Variants in NEBL observed in about 807,000 individuals in gnomAD.
NEBL encodes LIM and SH3 protein 2.
NEBL carries 122 observed loss-of-function variants against 140.2 expected under a neutral mutation model. The observed-to-expected ratio is 0.87, with a 90% CI of 0.75 to 1.01. The LOEUF (loss-of-function observed/expected upper bound fraction) is 1.01, where lower values mean the gene tolerates loss of function less well. Among genes scored for constraint, NEBL ranks in the 50% least tolerant of loss-of-function variants. The probability of loss-of-function intolerance (pLI) is 0.00; values close to 1 mark genes in which losing one functional copy is unlikely to be tolerated. For synonymous variants in NEBL, 436 were observed against 398.9 expected (o/e 1.09, Z -1.11); for missense variants, 1,365 against 1,231.3 (o/e 1.11, Z -1.62).
At chr10:21,101,179 A>C (rs564225319) in intron 2 of NEBL, among the ~76,000 whole-genome samples, 38 of 152,300 alleles carry the variant, frequency 2.5e-4, no homozygotes, top group Non-Finnish European at 1.0e-4. Context: ...GCAAGAAGTG[A>C]ACAATCGGGA....
At chr10:20,980,389 A>G (rs987218610) in intron 3 of NEBL, among the ~76,000 whole-genome samples, 2 of 143,448 alleles carry the variant, frequency 1.4e-5, no homozygotes, top group Non-Finnish European at 3.0e-5. Context: ...AACCAGAAAA[A>G]GAAAAAAAAA....
At chr10:20,815,301 A>G (rs554555739) in intron 22 of NEBL, among the ~76,000 whole-genome samples, 2 of 152,182 alleles carry the variant, frequency 1.3e-5, no homozygotes, top group Non-Finnish European at 2.9e-5. Flanking sequence ...GAAAATGACA[A>G]TTATTTAACG....
chr10:21,236,889 C>A (rs895444309), intron 3 of NEBL, among the ~76,000 whole-genome samples: 1 of 152,140 alleles, frequency 6.6e-6, no homozygotes, highest in Non-Finnish European at 1.5e-5. Flanking sequence ...TAAATTAGTT[C>A]TCATAACTAC....
At chr10:21,266,783 G>A (rs1842801193) in intron 1 of NEBL, among the ~76,000 whole-genome samples, 1 of 152,100 alleles carries the variant, frequency 6.6e-6, no homozygotes, top group East Asian at 1.9e-4. Flanking sequence ...TGGAGTTTGA[G>A]GGGCTTGTTT....
At chr10:20,897,666 T>C, upstream of NEBL, 1 of 521,940 alleles carries the variant, frequency 1.9e-6, no homozygotes, top group Non-Finnish European at 2.5e-6. Flanking sequence ...AAGCTTTCAC[T>C]GGAATGTCAG....
At chr10:21,084,164 A>G (rs2148885) in intron 2 of NEBL, among the ~76,000 whole-genome samples, 22,212 of 152,238 alleles carry the variant, frequency 0.15, 1,738 homozygotes, top group African/African-American at 0.19. Flanking sequence ...GTCCAGAGAG[A>G]TGGGAGTGGC....
At chr10:20,851,181 T>C (rs1842471159) in intron 10 of NEBL, among the ~76,000 whole-genome samples, 1 of 152,220 alleles carries the variant, frequency 6.6e-6, no homozygotes, top group Non-Finnish European at 1.5e-5. Context: ...GTTGGCTTTT[T>C]AAGCAATATA....
intron 4 of NEBL, among the ~76,000 whole-genome samples, chr10:20,923,666 C>CAAAAAAAAAA (rs71390799): frequency 0.015 from 413 of 28,348 alleles, 67 homozygotes; most frequent in African/African-American, 0.024. Flanking sequence ...GACTCCGTCT[C>CAAAAAAAAAA]AAAAAAAAAA....
intron 3 of NEBL, among the ~76,000 whole-genome samples, chr10:21,214,906 G>A (rs142528086): frequency 7.1e-4 from 108 of 152,232 alleles, no homozygotes; most frequent in African/African-American, 2.5e-3. Context: ...GACAGGCCCT[G>A]CTGTGTCTCT....
chr10:21,092,047 A>T (rs1010286650), intron 2 of NEBL, among the ~76,000 whole-genome samples: 2 of 152,228 alleles, frequency 1.3e-5, no homozygotes, highest in Admixed American at 6.5e-5. Context: ...GATTTTAGTT[A>T]TGTCGTATCT....
chr10:20,924,940 T>C (rs1833817680), intron 4 of NEBL, among the ~76,000 whole-genome samples: 1 of 151,810 alleles, frequency 6.6e-6, no homozygotes, highest in Non-Finnish European at 1.5e-5. Flanking sequence ...CCCTTCCCTG[T>C]CTCCTCTCCC....
chr10:21,095,542 T>G (rs768018467), intron 2 of NEBL, among the ~76,000 whole-genome samples: 13 of 152,238 alleles, frequency 8.5e-5, no homozygotes, highest in Non-Finnish European at 1.5e-4. Context: ...ACTGTTAAGC[T>G]TAAGGATTTT....
chr10:20,791,851 C>T (rs951679972), intron 26 of NEBL, among the ~76,000 whole-genome samples: 2 of 152,148 alleles, frequency 1.3e-5, no homozygotes, highest in Non-Finnish European at 2.9e-5. Context: ...ACGCAGAGTG[C>T]GTGAAAGAAG....
chr10:21,159,021 T>C (rs1589295764), intron 2 of NEBL, among the ~76,000 whole-genome samples: 1 of 152,362 alleles, frequency 6.6e-6, no homozygotes, highest in African/African-American at 2.4e-5. Context: ...CTGCCATCTT[T>C]GAACACTCAG....
At chr10:21,140,208 G>A (rs373826045) in intron 2 of NEBL, among the ~76,000 whole-genome samples, 7 of 152,106 alleles carry the variant, frequency 4.6e-5, no homozygotes, top group East Asian at 1.9e-4. Flanking sequence ...TGGAATGGTT[G>A]AGAATCTGAT....
intron 4 of NEBL, among the ~76,000 whole-genome samples, chr10:20,902,419 AT>A (rs1163813597): frequency 9.0e-4 from 124 of 138,072 alleles, no homozygotes; most frequent in African/African-American, 3.2e-3. Flanking sequence ...AAAAAAAAAA[AT>A]TTAATAAGGT....
chr10:20,950,657 A>G (rs922421729), intron 4 of NEBL, among the ~76,000 whole-genome samples: 6 of 152,304 alleles, frequency 3.9e-5, no homozygotes, highest in Middle Eastern at 3.4e-3. Context: ...TGTGAAGGTA[A>G]TTTCTACTTC....
chr10:20,877,253 CGTT>C (rs1363345376), intron 5 of NEBL, among the ~76,000 whole-genome samples: 4 of 152,108 alleles, frequency 2.6e-5, no homozygotes, highest in Admixed American at 2.6e-4. Flanking sequence ...AGGTAGATAT[CGTT>C]GTCCCCATTT....
intron 2 of NEBL, among the ~76,000 whole-genome samples, chr10:20,896,040 G>T (rs1167866855): frequency 6.6e-6 from 1 of 152,136 alleles, no homozygotes; most frequent in Non-Finnish European, 1.5e-5. Context: ...CTACCCTCCT[G>T]CCCAGGACTG....
Sources: gnomAD v4.1 joint callset for allele counts (sites outside exome capture counted in the v4.1 genomes callset) on GRCh38, gnomAD v4.1.1 for gene constraint, MANE v1.5 for transcripts, NCBI Gene and HGNC (gene_info 2026-07-23, HGNC 2026-07-21) for gene names.